The following USH2A variants were observed in gnomAD, a reference collection of about 807,000 sequenced individuals.
The protein encoded by USH2A is usherin, also known as Usher syndrome 2A (autosomal recessive, mild).
USH2A carries 443 observed loss-of-function variants against 538.9 expected under a neutral mutation model. The ratio of observed to expected loss-of-function variants is 0.82; its 90% CI spans 0.76 to 0.89. The LOEUF (loss-of-function observed/expected upper bound fraction) is 0.89. USH2A is among the 40% of genes least tolerant of loss of function. The probability of loss-of-function intolerance (pLI) is 0.00; values close to 1 mark genes in which losing one functional copy is unlikely to be tolerated. For missense variants in USH2A, 6,633 were observed against 6,324.8 expected (o/e 1.05, Z -1.65); for synonymous variants, 2,413 against 2,273.5 (o/e 1.06, Z -1.75).
At chr1:216,215,504 T>C (rs1002994138) in intron 15 of USH2A, among the ~76,000 whole-genome samples, 1 of 152,064 alleles carries the variant, frequency 6.6e-6, no homozygotes, top group Non-Finnish European at 1.5e-5. Flanking sequence ...CATCCCACCA[T>C]TTACATTTTT....
intron 29 of USH2A, among the ~76,000 whole-genome samples, chr1:216,071,586 T>C (rs1009547655): frequency 2.0e-5 from 3 of 152,216 alleles, no homozygotes; most frequent in African/African-American, 7.2e-5. Flanking sequence ...TATGAATTTA[T>C]GGCATAGGGC....
intron 32 of USH2A, among the ~76,000 whole-genome samples, chr1:216,039,487 A>G (rs960561052): frequency 1.3e-5 from 2 of 152,008 alleles, no homozygotes; most frequent in Non-Finnish European, 2.9e-5. Context: ...GCTCTGCTTT[A>G]TTAATATTAG....
rs74141553 is a variant in USH2A, at chr1:216,313,992, C to T, written c.1644+7891G>A. 3.8e-3 allele frequency among the ~76,000 whole-genome samples: 575 copies of T among 152,224 alleles called. 2 individuals are homozygous for T. The highest frequency in any genetic ancestry group is 0.013 in the African/African-American group (547 of 41,558). ...TATCAGATTTCTGTCTTTCTGGCTG[C>T]TTGGTCTTTGGTGATTATTGGATTC... On this transcript the variant is annotated intron_variant, in intron 9 of 71. Transcript: ENST00000307340.
At chr1:216,199,273 T>G (rs1274724984) in intron 17 of USH2A, among the ~76,000 whole-genome samples, 1 of 152,132 alleles carries the variant, frequency 6.6e-6, no homozygotes, top group Non-Finnish European at 1.5e-5. Flanking sequence ...AAGAGAAAAA[T>G]GTACTGCTTG....
chr1:215,953,324 G>A (rs942368116), intron 37 of USH2A, among the ~76,000 whole-genome samples: 3 of 152,222 alleles, frequency 2.0e-5, no homozygotes, highest in Admixed American at 6.5e-5. Context: ...TAGACTACAA[G>A]GCTACAGTAA....
At chr1:215,776,128 T>C (rs1661453247) in intron 55 of USH2A, among the ~76,000 whole-genome samples, 1 of 152,190 alleles carries the variant, frequency 6.6e-6, no homozygotes, top group Non-Finnish European at 1.5e-5. Flanking sequence ...AACAATGCCA[T>C]AACTGATGTC....
rs575226071 is a variant in USH2A, at chr1:216,290,078, T to G, written c.1841-668A>C. On this transcript the variant is annotated intron_variant, in intron 10 of 71. Coordinates refer to ENST00000307340, the MANE Select transcript of USH2A (RefSeq NM_206933.4). The stretch of plus-strand genomic sequence containing the variant: ...ATAATTACAAATTTCCTTTGCTATA[T>G]TATGTAATAAAAAACCTAAACTACA... 2.0e-5 allele frequency among the ~76,000 whole-genome samples: 3 copies of G among 152,284 alleles called. No homozygotes were observed. In the East Asian group the frequency reaches 5.8e-4, roughly 29 times the overall value.
chr1:215,917,613 C>T (rs1033509342), intron 38 of USH2A, among the ~76,000 whole-genome samples: 2 of 151,236 alleles, frequency 1.3e-5, no homozygotes, highest in Non-Finnish European at 2.9e-5. Flanking sequence ...TTAAATTATC[C>T]CTTGTTGAAT....
intron 22 of USH2A, among the ~76,000 whole-genome samples, chr1:216,090,456 T>A (rs945631614): frequency 6.6e-6 from 1 of 151,698 alleles, no homozygotes; most frequent in East Asian, 1.9e-4. Flanking sequence ...AAAAAGCTTT[T>A]AATTTCCCAT....
At chr1:215,768,073 G>A (rs1157469382) in intron 55 of USH2A, among the ~76,000 whole-genome samples, 1 of 152,130 alleles carries the variant, frequency 6.6e-6, no homozygotes, top group Non-Finnish European at 1.5e-5. Context: ...CTTCAGAGAT[G>A]TTAATGTGTC....
Position 215,888,762 on chromosome 1 carries a change from A to G in USH2A, c.7887T>C (p.Ser2629=). 1 of 1,614,142 alleles carries G rather than the reference A, an allele frequency of 6.2e-7. No individual in the cohort carries two copies. Among genetic ancestry groups the G allele is most frequent in the South Asian group, 1.1e-5 (1 of 91,082 alleles). ...TLPGAPEGIP[S]PELFSDTPTS... is the part of the protein sequence containing the mutation. The stretch of plus-strand genomic sequence containing the variant: ...TTGGAGTATCAGAGAACAGCTCTGG[A>G]CTTGGGATCCCTTCCGGTGCCCCTG... The change falls in exon 41 of 72, where the codon AGT becomes AGC. Residue 2629 remains serine (S), a synonymous_variant. Transcript: ENST00000307340.
chr1:216,167,989 A>C (rs1452275914), intron 21 of USH2A, among the ~76,000 whole-genome samples: 1 of 152,166 alleles, frequency 6.6e-6, no homozygotes. Flanking sequence ...TCTGAATAGA[A>C]AGGAACTTAA....
chr1:215,648,482 T>C (rs373558847), intron 66 of USH2A, 46 bp downstream of exon 66: 4 of 1,586,454 alleles, frequency 2.5e-6, no homozygotes, highest in Non-Finnish European at 2.6e-6. Flanking sequence ...CATATGTCTG[T>C]ACACATGCCT....
At chr1:215,746,822 G>A (rs2102731059) in intron 58 of USH2A, among the ~76,000 whole-genome samples, 1 of 152,254 alleles carries the variant, frequency 6.6e-6, no homozygotes, top group Non-Finnish European at 1.5e-5. Context: ...AACCTATCAT[G>A]ACCTTAAGGA....
intron 56 of USH2A, among the ~76,000 whole-genome samples, chr1:215,763,861 T>A (rs1661054367): frequency 6.6e-6 from 1 of 151,904 alleles, no homozygotes; most frequent in Non-Finnish European, 1.5e-5. Context: ...GAAGAACAAT[T>A]TTTTTAAAAA....
At chr1:216,244,090 T>C (rs1423167524) in intron 13 of USH2A, among the ~76,000 whole-genome samples, 3 of 152,182 alleles carry the variant, frequency 2.0e-5, no homozygotes, top group Non-Finnish European at 4.4e-5. Context: ...TGTTGTTCAC[T>C]GAGTGATGGA....
At position 215,747,050 on chromosome 1, in the gene USH2A, G is replaced by A. The variant is rs1234852787; in HGVS notation, c.11390-3715C>T. ...CAATTGTAGAGTTGAAGACTCTGTA[G>A]TCACCACAGAATGAACCAACTGTAG... On this transcript the variant is annotated intron_variant, in intron 58 of 71. Coordinates refer to ENST00000307340, the MANE Select transcript of USH2A (RefSeq NM_206933.4). Among the ~76,000 whole-genome samples the A allele has an allele frequency of 3.3e-5, 5 of 152,200 alleles. No homozygotes were observed. The South Asian group carries it at 1.0e-3, about 32-fold the overall frequency.
intron 61 of USH2A, among the ~76,000 whole-genome samples, chr1:215,695,463 T>C (rs1658774417): frequency 6.6e-6 from 1 of 152,106 alleles, no homozygotes; most frequent in Non-Finnish European, 1.5e-5. Context: ...TTTAGGATCA[T>C]ACAAAAATCA....
intron 20 of USH2A, among the ~76,000 whole-genome samples, chr1:216,183,459 T>C (rs184535422): frequency 1.3e-5 from 2 of 152,124 alleles, no homozygotes; most frequent in East Asian, 3.9e-4. Context: ...AATGGATTCT[T>C]TTTTTTAATC....
Sources: allele counts gnomAD v4.1 joint callset (sites outside exome capture counted in the v4.1 genomes callset), GRCh38; gene constraint gnomAD v4.1.1; transcripts MANE v1.5; gene names NCBI Gene and HGNC (gene_info 2026-07-23, HGNC 2026-07-21).